Variants in SESN1 observed in about 807,000 individuals in gnomAD.
SESN1 encodes sestrin 1.
A neutral mutation model predicts 59.3 loss-of-function variants in SESN1; 30 were observed. The observed-to-expected ratio is 0.51, with a 90% CI of 0.38 to 0.69. The LOEUF (loss-of-function observed/expected upper bound fraction) is 0.69, where lower values mean the gene tolerates loss of function less well. Ranked by LOEUF, SESN1 falls within the 30% of genes least tolerant of loss-of-function variation. The pLI, the probability that SESN1 is intolerant of heterozygous loss-of-function variation, is 0.00. For synonymous variants in SESN1, 197 were observed against 219.9 expected, an observed-to-expected ratio of 0.90 and a Z score of 0.92; for missense variants, 566 against 673.0, an observed-to-expected ratio of 0.84 and a Z score of 1.76.
chr6:109,053,910 A>G (rs1780585903), intron 1 of SESN1, among the ~76,000 whole-genome samples: 1 of 152,220 alleles, frequency 6.6e-6, no homozygotes, highest in Non-Finnish European at 1.5e-5. Flanking sequence ...AGACAAATTT[A>G]ACAGAGGCTT....
intron 1 of SESN1, chr6:109,009,362 G>A (rs887330063): frequency 7.5e-6 from 11 of 1,469,216 alleles, no homozygotes; most frequent in Non-Finnish European, 9.9e-6. Flanking sequence ...CAGGTACCTC[G>A]TCCTGGTCGC....
chr6:109,008,670 TA>T, intron 1 of SESN1: 1 of 560,600 alleles, frequency 1.8e-6, no homozygotes, highest in Non-Finnish European at 2.3e-6. Context: ...GAGTTTTACC[TA>T]AGGTTACATT....
chr6:109,079,349 T>C (rs1477000182), intron 1 of SESN1, among the ~76,000 whole-genome samples: 1 of 152,184 alleles, frequency 6.6e-6, no homozygotes, highest in Non-Finnish European at 1.5e-5. Context: ...GTGTCACTAA[T>C]GAGGTATAAC....
chr6:109,007,410 A>G (rs1164720969), intron 1 of SESN1, among the ~76,000 whole-genome samples: 1 of 152,186 alleles, frequency 6.6e-6, no homozygotes, highest in African/African-American at 2.4e-5. Flanking sequence ...CCACCTGCAA[A>G]ATTAGTTGAG....
chr6:109,008,084 C>T (rs944241870), intron 1 of SESN1, among the ~76,000 whole-genome samples: 3 of 152,156 alleles, frequency 2.0e-5, no homozygotes, highest in African/African-American at 7.2e-5. Context: ...TTCCCGGTTT[C>T]CTCAACACAA....
intron 1 of SESN1, among the ~76,000 whole-genome samples, chr6:109,069,116 T>C (rs112306491): frequency 3.4e-3 from 518 of 152,214 alleles, no homozygotes; most frequent in African/African-American, 0.01. Flanking sequence ...TGGGGTGAAG[T>C]GTTTGTAACT....
chr6:109,067,683 T>G (rs2114462078), intron 1 of SESN1, among the ~76,000 whole-genome samples: 1 of 152,322 alleles, frequency 6.6e-6, no homozygotes, highest in South Asian at 2.1e-4. Flanking sequence ...AAGAGCAATT[T>G]ATTTTTGCTG....
At chr6:109,005,708 C>T (rs1779718277) in intron 1 of SESN1, among the ~76,000 whole-genome samples, 1 of 152,164 alleles carries the variant, frequency 6.6e-6, no homozygotes, top group African/African-American at 2.4e-5. Flanking sequence ...ACTGTCTCCC[C>T]TCTTCCTTAG....
chr6:109,002,801 C>T (rs1425126674), intron 1 of SESN1, among the ~76,000 whole-genome samples: 1 of 152,174 alleles, frequency 6.6e-6, no homozygotes, highest in Non-Finnish European at 1.5e-5. Context: ...TAAAACAACA[C>T]CTCACGGTTA....
intron 1 of SESN1, among the ~76,000 whole-genome samples, chr6:109,079,170 A>G (rs1276519092): frequency 1.4e-5 from 2 of 145,584 alleles, no homozygotes; most frequent in African/African-American, 2.6e-5. Context: ...TTTTGCTTAT[A>G]AAGTTATTTT....
intron 1 of SESN1, among the ~76,000 whole-genome samples, chr6:109,010,690 T>C (rs1779844086): frequency 6.6e-6 from 1 of 152,218 alleles, no homozygotes; most frequent in Admixed American, 6.5e-5. Context: ...CTATACTGCT[T>C]TTAAAAAATA....
intron 1 of SESN1, among the ~76,000 whole-genome samples, chr6:109,003,317 A>G (rs1322196452): frequency 6.6e-6 from 1 of 151,378 alleles, no homozygotes; most frequent in Non-Finnish European, 1.5e-5. Flanking sequence ...TACTGCTTTT[A>G]AAGTTCTTCA....
intron 1 of SESN1, among the ~76,000 whole-genome samples, chr6:109,045,244 C>A (rs1780409337): frequency 1.3e-5 from 2 of 152,072 alleles, no homozygotes; most frequent in African/African-American, 4.8e-5. Context: ...TATCCCCTAT[C>A]CTCAACCTCA....
intron 1 of SESN1, among the ~76,000 whole-genome samples, chr6:109,092,790 A>G (rs932966056): frequency 6.6e-6 from 1 of 152,198 alleles, no homozygotes; most frequent in Admixed American, 6.5e-5. Flanking sequence ...AATTGTAACA[A>G]TTGTTTCCAA....
chr6:108,989,592 GAT>G (rs1779318916), intron 8 of SESN1, among the ~76,000 whole-genome samples: 2 of 142,168 alleles, frequency 1.4e-5, no homozygotes, highest in African/African-American at 5.4e-5. Context: ...TATAGAGAGA[GAT>G]AGAGAGAGAT....
chr6:109,049,648 T>C (rs1237854162), intron 1 of SESN1, among the ~76,000 whole-genome samples: 1 of 151,532 alleles, frequency 6.6e-6, no homozygotes, highest in Non-Finnish European at 1.5e-5. Flanking sequence ...TTATGTACAA[T>C]TATTATGTGT....
At chr6:109,019,851 G>T (rs1779982459) in intron 1 of SESN1, among the ~76,000 whole-genome samples, 1 of 152,126 alleles carries the variant, frequency 6.6e-6, no homozygotes, top group Admixed American at 6.5e-5. Flanking sequence ...TATTCAATTA[G>T]ATTTTAAAAA....
At chr6:109,054,067 G>GT (rs1168884802) in intron 1 of SESN1, among the ~76,000 whole-genome samples, 2 of 150,194 alleles carry the variant, frequency 1.3e-5, no homozygotes, top group Non-Finnish European at 3.0e-5. Context: ...ATTTCTTTTC[G>GT]TTTTTTCTTA....
chr6:109,079,194 GAA>G (rs200879750), intron 1 of SESN1, among the ~76,000 whole-genome samples: 2 of 144,082 alleles, frequency 1.4e-5, no homozygotes, highest in African/African-American at 2.5e-5. Flanking sequence ...GTGCTAAACT[GAA>G]AAAAAAAAAA....
Sources: allele counts gnomAD v4.1 joint callset (sites outside exome capture counted in the v4.1 genomes callset), GRCh38; gene constraint gnomAD v4.1.1; transcripts MANE v1.5; gene names NCBI Gene and HGNC (gene_info 2026-07-23, HGNC 2026-07-21).